The following CASR variants were observed in gnomAD, a reference collection of about 807,000 sequenced individuals.
The protein encoded by CASR is extracellular calcium-sensing receptor.
In CASR, 23 loss-of-function variants were observed where a neutral mutation model predicts 69.1. The ratio of observed to expected loss-of-function variants is 0.33; its 90% CI spans 0.24 to 0.47. The LOEUF (loss-of-function observed/expected upper bound fraction) is 0.47, where lower values mean the gene tolerates loss of function less well. Among genes scored for constraint, CASR ranks in the 20% least tolerant of loss-of-function variants. CASR has a pLI of 1.00. For missense variants in CASR, 924 were observed against 1,356.1 expected (o/e 0.68, Z 5.00); for synonymous variants, 541 against 544.7 (o/e 0.99, Z 0.10).
chr3:122,248,852 C>T (rs746439276), intron 1 of CASR, among the ~76,000 whole-genome samples: 5 of 152,144 alleles, frequency 3.3e-5, no homozygotes, highest in Admixed American at 1.3e-4. Context: ...TCACTCCTGA[C>T]GTTGTTTTGC....
At chr3:122,266,966 T>C (rs948800479) in intron 4 of CASR, among the ~76,000 whole-genome samples, 3 of 152,216 alleles carry the variant, frequency 2.0e-5, no homozygotes, top group Non-Finnish European at 4.4e-5. Flanking sequence ...ATCGCACCAC[T>C]GCACTCCAGC....
chr3:122,197,812 C>T (rs2073904742), intron 1 of CASR, among the ~76,000 whole-genome samples: 1 of 152,138 alleles, frequency 6.6e-6, no homozygotes, highest in Non-Finnish European at 1.5e-5. Context: ...TGATCATCTG[C>T]CTGCCAGCTT....
Position 122,220,667 on chromosome 3 carries a change from G to A in CASR, c.-242-33281G>A, listed in dbSNP as rs147569000. On this transcript the variant is annotated intron_variant, in intron 1 of 6. Transcript: ENST00000639785. Reference sequence around the variant, plus strand: ...GTCCTCTTCTTGGTGATTCAACAACGTACATTAAAATATTAAGGACTTTGT... The same window carrying A: ...GTCCTCTTCTTGGTGATTCAACAACATACATTAAAATATTAAGGACTTTGT... Among the ~76,000 whole-genome samples, 215 of 152,256 alleles carry A rather than the reference G, an allele frequency of 1.4e-3. 2 individuals are homozygous for A. The highest frequency in any genetic ancestry group is 5.4e-4 in the Non-Finnish European group (37 of 68,024).
chr3:122,282,649 T>G (rs1430619108), intron 6 of CASR, among the ~76,000 whole-genome samples: 1 of 152,184 alleles, frequency 6.6e-6, no homozygotes, highest in African/African-American at 2.4e-5. Context: ...TATTTTTAGG[T>G]GGGAATAATA....
chr3:122,276,862 T>C (rs746522540), intron 5 of CASR, among the ~76,000 whole-genome samples: 8 of 152,174 alleles, frequency 5.3e-5, no homozygotes, highest in Non-Finnish European at 8.8e-5. Context: ...ACTGGAATGA[T>C]GACCATTCTA....
At chr3:122,260,571 C>T (rs2107630737) in intron 3 of CASR, among the ~76,000 whole-genome samples, 1 of 152,278 alleles carries the variant, frequency 6.6e-6, no homozygotes, top group African/African-American at 2.4e-5. Context: ...ACAATGCGAC[C>T]TTCAAAAGTG....
intron 1 of CASR, among the ~76,000 whole-genome samples, chr3:122,235,102 C>T (rs1298641519): frequency 6.6e-6 from 1 of 152,224 alleles, no homozygotes; most frequent in East Asian, 1.9e-4. Context: ...GGTGCTGTGA[C>T]TTCTAACAGT....
intron 4 of CASR, among the ~76,000 whole-genome samples, chr3:122,267,668 A>G (rs1436446892): frequency 2.0e-5 from 3 of 152,244 alleles, no homozygotes; most frequent in African/African-American, 4.8e-5. Flanking sequence ...TTTCAGGGAC[A>G]CCACAGAACC....
At chr3:122,278,856 G>A (rs1420418414) in intron 5 of CASR, among the ~76,000 whole-genome samples, 1 of 152,202 alleles carries the variant, frequency 6.6e-6, no homozygotes, top group Non-Finnish European at 1.5e-5. Flanking sequence ...AAGAGAAAAA[G>A]AGGCAAGGCA....
intron 1 of CASR, among the ~76,000 whole-genome samples, chr3:122,244,066 A>G (rs1477579742): frequency 1.3e-5 from 2 of 152,140 alleles, no homozygotes; most frequent in African/African-American, 4.8e-5. Context: ...GGGGTGGTTA[A>G]TGGGTACAAA....
Position 122,275,961 on chromosome 3 carries a change from G to T in CASR, c.1527G>T (p.Gly509=). 1 of 1,614,012 alleles carries T rather than the reference G, an allele frequency of 6.2e-7. No individual in the cohort carries two copies. Among genetic ancestry groups the T allele is most frequent in the East Asian group, 2.2e-5 (1 of 44,886 alleles). The stretch of plus-strand genomic sequence containing the variant: ...GCTCCATCGTGTTTAAGGAAGTCGG[G>T]TATTACAACGTCTATGCCAAGAAGG... ...EDGSIVFKEV[G]YYNVYAKKGE... is the part of the protein sequence containing the mutation. The change falls in exon 5 of 7, where the codon GGG becomes GGT. Residue 509 remains glycine (G), a synonymous_variant. Transcript: ENST00000639785.
chr3:122,272,425 T>C (rs954595743), intron 4 of CASR, among the ~76,000 whole-genome samples: 1 of 146,912 alleles, frequency 6.8e-6, no homozygotes, highest in Middle Eastern at 3.2e-3. Flanking sequence ...ACACATCATG[T>C]TTATTCCTAA....
chr3:122,272,917 T>G (rs1316432416), intron 4 of CASR, among the ~76,000 whole-genome samples: 1 of 152,250 alleles, frequency 6.6e-6, no homozygotes, highest in Non-Finnish European at 1.5e-5. Context: ...CCAACAATAA[T>G]GCAGAAGACT....
At chr3:122,268,979 G>T (rs2074724234) in intron 4 of CASR, among the ~76,000 whole-genome samples, 1 of 152,112 alleles carries the variant, frequency 6.6e-6, no homozygotes, top group Admixed American at 6.5e-5. Context: ...TATAAACAGG[G>T]TTATTGAGGC....
chr3:122,245,462 T>C (rs1310995697), intron 1 of CASR: 1 of 152,176 alleles, frequency 6.6e-6, no homozygotes, highest in East Asian at 1.9e-4. Context: ...ATCCTACCAG[T>C]CTTTCTGTCT....
chr3:122,211,518 G>A (rs981259368), intron 1 of CASR, among the ~76,000 whole-genome samples: 2 of 152,172 alleles, frequency 1.3e-5, no homozygotes, highest in Non-Finnish European at 2.9e-5. Context: ...TACCAGTCTG[G>A]CCAGCATGGC....
intron 1 of CASR, among the ~76,000 whole-genome samples, chr3:122,240,067 A>G (rs2074365767): frequency 6.6e-6 from 1 of 152,214 alleles, no homozygotes; most frequent in Non-Finnish European, 1.5e-5. Flanking sequence ...ATTTAACCCA[A>G]AGAAGACTAC....
At chr3:122,282,061 G>A (rs552802416) in intron 5 of CASR, 52 bp from the exon 6 acceptor site, 2 of 1,613,750 alleles carry the variant, frequency 1.2e-6, no homozygotes, top group South Asian at 2.2e-5. Flanking sequence ...AGTAGGGCTG[G>A]CCCCTGACCC....
chr3:122,272,999 CT>C (rs1559963979), intron 4 of CASR, among the ~76,000 whole-genome samples: 1 of 152,196 alleles, frequency 6.6e-6, no homozygotes, highest in East Asian at 1.9e-4. Flanking sequence ...ATGAAAGGAT[CT>C]TGTGCAGTTC....
Sources: allele counts gnomAD v4.1 joint callset (sites outside exome capture counted in the v4.1 genomes callset), GRCh38; gene constraint gnomAD v4.1.1; transcripts MANE v1.5; gene names NCBI Gene and HGNC (gene_info 2026-07-23, HGNC 2026-07-21).